The following UIMC1 variants were observed in gnomAD, a reference collection of about 807,000 sequenced individuals.
The protein encoded by UIMC1 is ubiquitin interaction motif containing 1.
UIMC1 carries 42 observed loss-of-function variants against 84.9 expected under a neutral mutation model. The observed-to-expected ratio is 0.49, with a 90% confidence interval of 0.39 to 0.64. The LOEUF (loss-of-function observed/expected upper bound fraction) is 0.64, where lower values mean the gene tolerates loss of function less well. Ranked by LOEUF, UIMC1 falls within the 30% of genes least tolerant of loss-of-function variation. The pLI, the probability that UIMC1 is intolerant of heterozygous loss-of-function variation, is 0.00. For synonymous variants in UIMC1, 281 were observed against 293.0 expected, an observed-to-expected ratio of 0.96 and a Z score of 0.42; for missense variants, 825 against 847.6, an observed-to-expected ratio of 0.97 and a Z score of 0.33.
At chr5:176,947,124 T>A (rs1157451298) in intron 9 of UIMC1, among the ~76,000 whole-genome samples, 1 of 152,200 alleles carries the variant, frequency 6.6e-6, no homozygotes, top group Non-Finnish European at 1.5e-5. Flanking sequence ...TAGTCACTTG[T>A]CTTATTATGA....
chr5:177,013,925 C>T (rs79454219), intron 1 of UIMC1, among the ~76,000 whole-genome samples: 5,029 of 152,202 alleles, frequency 0.033, 300 homozygotes, highest in African/African-American at 0.11. Flanking sequence ...GTCAGTTACA[C>T]AGGCTGCCTA....
At chr5:176,962,857 T>C (rs1767731307) in intron 6 of UIMC1, among the ~76,000 whole-genome samples, 3 of 18,942 alleles carry the variant, frequency 1.6e-4, no homozygotes, top group East Asian at 7.8e-4. Flanking sequence ...CCCCCAACCC[T>C]GTGCTCTCTG....
intron 2 of UIMC1, among the ~76,000 whole-genome samples, chr5:176,976,477 C>T (rs1377047014): frequency 6.6e-6 from 1 of 152,062 alleles, no homozygotes; most frequent in Non-Finnish European, 1.5e-5. Context: ...CACTTCACAC[C>T]CACTAGGATA....
At chr5:176,905,527 C>T (rs1759245051) in intron 14 of UIMC1, 35 bp from the exon 15 acceptor site, 3 of 1,594,014 alleles carry the variant, frequency 1.9e-6, no homozygotes, top group Non-Finnish European at 2.6e-6. Flanking sequence ...ATTCAATATA[C>T]ACCTACTAAG....
At chr5:176,940,764 C>G (rs1338781683) in intron 10 of UIMC1, among the ~76,000 whole-genome samples, 1 of 152,170 alleles carries the variant, frequency 6.6e-6, no homozygotes, top group Non-Finnish European at 1.5e-5. Context: ...AGTAATTTCA[C>G]TACTGGGAAT....
chr5:176,982,446 CT>C lies in UIMC1; in HGVS notation c.147+22del, dbSNP rs762994885. 2.5e-6 allele frequency: 4 copies of C among 1,602,146 alleles called. No individual in the cohort carries two copies. In the African/African-American group the frequency reaches 5.4e-5, roughly 22 times the overall value. ...GCATAGTTTGAGAGCTACAGCTCTA[CT>C]TTTCAGCTCTACTTCACTAACCTCT... is the stretch of plus-strand genomic sequence containing the variant. On this transcript the variant is annotated intron_variant, in intron 2 of 14. Transcript: ENST00000511320.
intron 8 of UIMC1, among the ~76,000 whole-genome samples, chr5:176,952,520 T>C (rs1172675145): frequency 6.6e-6 from 1 of 152,236 alleles, no homozygotes; most frequent in African/African-American, 2.4e-5. Context: ...AACACAGCCA[T>C]GCTCATTCAT....
chr5:176,955,581 A>C (rs1342407237), intron 8 of UIMC1, among the ~76,000 whole-genome samples: 1 of 152,188 alleles, frequency 6.6e-6, no homozygotes, highest in Non-Finnish European at 1.5e-5. Flanking sequence ...CTGACAAAAT[A>C]ATTTAAAACA....
At chr5:176,979,223 A>G (rs928761819) in intron 2 of UIMC1, among the ~76,000 whole-genome samples, 7 of 152,260 alleles carry the variant, frequency 4.6e-5, no homozygotes, top group African/African-American at 9.6e-5. Context: ...ACCAATACTT[A>G]GTTTTTCAAA....
At chr5:176,971,917 C>T (rs1478226923) in intron 3 of UIMC1, among the ~76,000 whole-genome samples, 1 of 151,920 alleles carries the variant, frequency 6.6e-6, no homozygotes, top group Non-Finnish European at 1.5e-5. Flanking sequence ...CTCAAAAAAA[C>T]CAAAAACAAA....
intron 10 of UIMC1, among the ~76,000 whole-genome samples, chr5:176,934,334 T>A (rs925572664): frequency 3.3e-5 from 5 of 152,196 alleles, no homozygotes; most frequent in African/African-American, 1.2e-4. Context: ...TAGAATAAGC[T>A]CAAATTCCAT....
chr5:176,935,163 A>G (rs1161135651), intron 10 of UIMC1, among the ~76,000 whole-genome samples: 1 of 151,620 alleles, frequency 6.6e-6, no homozygotes, highest in African/African-American at 2.4e-5. Flanking sequence ...TAATTCATAC[A>G]AATGTTAACC....
intron 9 of UIMC1, among the ~76,000 whole-genome samples, chr5:176,944,704 C>T (rs1410147189): frequency 1.3e-5 from 2 of 152,208 alleles, no homozygotes; most frequent in Non-Finnish European, 2.9e-5. Context: ...TTGGGGCTAT[C>T]TCTAAAACCT....
rs536734127 is a variant in UIMC1, at chr5:176,973,615, A to T, written c.232+1781T>A. On this transcript the variant is annotated intron_variant, in intron 3 of 14. Coordinates refer to ENST00000511320, the MANE Select transcript of UIMC1 (RefSeq NM_001199298.2). ...AAAAGAAAAGAAAAAAATAAATTTT[A>T]AAAAATAGCTGGGTGTAGTGATGCA... 2.0e-5 allele frequency among the ~76,000 whole-genome samples: 3 copies of T among 152,018 alleles called. No homozygotes were observed. In the East Asian group the frequency reaches 5.8e-4, roughly 29 times the overall value.
Position 176,908,613 on chromosome 5 carries a change from T to C in UIMC1, c.1758A>G (p.Ala586=), listed in dbSNP as rs1759716140. The C allele has an allele frequency of 6.2e-7, 1 of 1,614,224 alleles. No individual in the cohort carries two copies. The part of the protein sequence containing the change: ...QCHVDSCLQL[A]KADQGDGPEG... ...CAGGTCCATCTCCTTGGTCAGCCTT[T>C]GCAAGCTGGAGACAGGAGTCCACAT... The change falls in exon 12 of 15, where the codon GCA becomes GCG. Residue 586 remains alanine (A), a synonymous_variant. Coordinates refer to ENST00000511320, the MANE Select transcript of UIMC1 (RefSeq NM_001199298.2).
At chr5:176,933,541 C>CT (rs1316347240) in intron 10 of UIMC1, among the ~76,000 whole-genome samples, 73 of 134,922 alleles carry the variant, frequency 5.4e-4, no homozygotes, top group African/African-American at 1.9e-3. Context: ...TTTTTTTTTT[C>CT]TTTTTTTGAG....
At chr5:177,020,326 C>T (rs1298812363) in intron 1 of UIMC1, among the ~76,000 whole-genome samples, 1 of 152,230 alleles carries the variant, frequency 6.6e-6, no homozygotes, top group Non-Finnish European at 1.5e-5. Context: ...GCTCAAATGT[C>T]ATTTTCCCAG....
intron 1 of UIMC1, among the ~76,000 whole-genome samples, chr5:176,983,416 G>A (rs970084802): frequency 6.6e-6 from 1 of 151,610 alleles, no homozygotes; most frequent in Admixed American, 6.6e-5. Context: ...TGTATTTTTG[G>A]TGGAGACCGG....
intron 10 of UIMC1, among the ~76,000 whole-genome samples, chr5:176,931,055 T>C (rs1308613338): frequency 6.6e-6 from 1 of 152,234 alleles, no homozygotes; most frequent in Non-Finnish European, 1.5e-5. Flanking sequence ...TAATGAATGC[T>C]AGCTCTGGAC....
Sources: allele counts gnomAD v4.1 joint callset (sites outside exome capture counted in the v4.1 genomes callset), GRCh38; gene constraint gnomAD v4.1.1; transcripts MANE v1.5; gene names NCBI Gene and HGNC (gene_info 2026-07-23, HGNC 2026-07-21).